PRKAG2: variants seen among roughly 807,000 people sequenced by gnomAD.
The protein encoded by PRKAG2 is 5'-AMP-activated protein kinase subunit gamma-2.
In PRKAG2, 26 loss-of-function variants were observed where a neutral mutation model predicts 69.6. The ratio of observed to expected loss-of-function variants is 0.37; its 90% confidence interval spans 0.27 to 0.52. The LOEUF is 0.52. Among genes scored for constraint, PRKAG2 ranks in the 20% least tolerant of loss-of-function variants. The pLI, the probability that PRKAG2 is intolerant of heterozygous loss-of-function variation, is 0.90. For missense variants in PRKAG2, 557 were observed against 740.0 expected (o/e 0.75, Z 2.87); for synonymous variants, 293 against 285.0 (o/e 1.03, Z -0.28).
intron 1 of PRKAG2, among the ~76,000 whole-genome samples, chr7:151,852,128 T>G (rs2079583705): frequency 6.6e-6 from 1 of 152,182 alleles, no homozygotes; most frequent in Non-Finnish European, 1.5e-5. Context: ...TACGCAAGCC[T>G]GTGCCCTGTG....
chr7:151,759,029 G>A (rs1016543291), intron 3 of PRKAG2, among the ~76,000 whole-genome samples: 1 of 152,078 alleles, frequency 6.6e-6, no homozygotes, highest in African/African-American at 2.4e-5. Context: ...CATTGCATCC[G>A]ATCGACATCC....
At chr7:151,778,822 C>T (rs1158157219) in intron 3 of PRKAG2, among the ~76,000 whole-genome samples, 1 of 152,206 alleles carries the variant, frequency 6.6e-6, no homozygotes, top group African/African-American at 2.4e-5. Context: ...ATTTTCCTTC[C>T]ACCCATCCAC....
intron 3 of PRKAG2, among the ~76,000 whole-genome samples, chr7:151,713,588 T>TA (rs1467668753): frequency 1.4e-5 from 2 of 144,132 alleles, no homozygotes; most frequent in East Asian, 3.9e-4. Context: ...CTTTTTTAAT[T>TA]TTTTTTTTTT....
At chr7:151,819,916 A>G (rs958931707) in intron 1 of PRKAG2, among the ~76,000 whole-genome samples, 9 of 152,254 alleles carry the variant, frequency 5.9e-5, no homozygotes, top group Admixed American at 5.9e-4. Context: ...CAAATAAGCC[A>G]GCAGGTCTAT....
intron 3 of PRKAG2, among the ~76,000 whole-genome samples, chr7:151,757,675 C>G (rs1443988169): frequency 6.6e-6 from 1 of 152,182 alleles, no homozygotes; most frequent in African/African-American, 2.4e-5. Context: ...CCTAAGAACC[C>G]CCCAAACCAG....
At chr7:151,748,862 C>T (rs2074474966) in intron 3 of PRKAG2, among the ~76,000 whole-genome samples, 1 of 152,270 alleles carries the variant, frequency 6.6e-6, no homozygotes, top group South Asian at 2.1e-4. Context: ...CCCCGCCGCG[C>T]CCGCAGCCAG....
intron 4 of PRKAG2, 52 bp downstream of exon 4, chr7:151,675,368 T>C: frequency 1.3e-6 from 2 of 1,546,472 alleles, no homozygotes; most frequent in Non-Finnish European, 1.8e-6. Flanking sequence ...ATAACTGCTC[T>C]GCCCTCCCTC....
At chr7:151,876,445 C>T (rs904778024) in intron 1 of PRKAG2, 62 bp downstream of exon 1, 25 of 1,510,834 alleles carry the variant, frequency 1.7e-5, no homozygotes, top group African/African-American at 1.6e-4. Context: ...TTAACCGCTT[C>T]GGCGCCGGGG....
intron 1 of PRKAG2, among the ~76,000 whole-genome samples, chr7:151,820,439 G>A (rs1257528316): frequency 3.2e-5 from 4 of 126,772 alleles, no homozygotes; most frequent in African/African-American, 6.3e-5. Flanking sequence ...TCGGAACACC[G>A]CTCCGTGGCC....
intron 1 of PRKAG2, among the ~76,000 whole-genome samples, chr7:151,859,133 C>T (rs527986523): frequency 6.6e-6 from 1 of 152,344 alleles, no homozygotes; most frequent in Non-Finnish European, 1.5e-5. Flanking sequence ...AAAAACAGGT[C>T]GCTGGGGCCT....
At chr7:151,631,435 T>C (rs1451870724) in intron 5 of PRKAG2, among the ~76,000 whole-genome samples, 1 of 152,022 alleles carries the variant, frequency 6.6e-6, no homozygotes, top group Non-Finnish European at 1.5e-5. Flanking sequence ...GCCTTTCAAA[T>C]GTTAACAGCC....
At chr7:151,866,499 T>C (rs1245844067) in intron 1 of PRKAG2, among the ~76,000 whole-genome samples, 1 of 152,172 alleles carries the variant, frequency 6.6e-6, no homozygotes, top group Non-Finnish European at 1.5e-5. Flanking sequence ...TTCAGCAATA[T>C]TAGCTCAATC....
intron 3 of PRKAG2, among the ~76,000 whole-genome samples, chr7:151,714,742 G>A (rs1440846473): frequency 6.6e-6 from 1 of 151,982 alleles, no homozygotes; most frequent in African/African-American, 2.4e-5. Flanking sequence ...CTGAGGTTGG[G>A]AGGTTGAGAC....
chr7:151,735,783 T>C lies in PRKAG2; in HGVS notation c.466+45369A>G, dbSNP rs1547470. On this transcript the variant is annotated intron_variant, in intron 3 of 15. Transcript: ENST00000287878. ...CCTCTAACCACCGCCTGATGTTATA[T>C]CCCAGTTGGAAGAGAGTGGCTGGAA... 0.62 allele frequency: 843,985 copies of C among 1,354,578 alleles called. 269,948 individuals are homozygous for C. The highest frequency in any genetic ancestry group is 0.91 in the East Asian group (36,158 of 39,616). 83.9% of individuals were successfully genotyped at this position (1,354,578 alleles called of 1,614,324 possible).
chr7:151,842,575 T>G (rs368428104), intron 1 of PRKAG2, among the ~76,000 whole-genome samples: 18 of 131,270 alleles, frequency 1.4e-4, no homozygotes, highest in African/African-American at 2.7e-4. Flanking sequence ...TGGTAGGTAG[T>G]GATGGTAGTG....
At chr7:151,588,278 G>A (rs1812169889) in intron 6 of PRKAG2, among the ~76,000 whole-genome samples, 1 of 151,536 alleles carries the variant, frequency 6.6e-6, no homozygotes. Context: ...CGTGTCATGG[G>A]AGGGACCCAG....
At chr7:151,664,836 G>T (rs777334482) in intron 4 of PRKAG2, among the ~76,000 whole-genome samples, 2 of 152,184 alleles carry the variant, frequency 1.3e-5, no homozygotes, top group Non-Finnish European at 2.9e-5. Context: ...GTGAAGGCAG[G>T]GTTGCCTCTC....
intron 1 of PRKAG2, among the ~76,000 whole-genome samples, chr7:151,832,063 A>G (rs759718866): frequency 6.6e-6 from 1 of 152,130 alleles, no homozygotes; most frequent in Admixed American, 6.5e-5. Flanking sequence ...AGGAGTCTGG[A>G]CTAGAAGGGT....
rs1424554463 is a variant in PRKAG2, at chr7:151,807,372, C to T, written c.115-20831G>A. The T allele has an allele frequency of 8.8e-6, 4 of 454,258 alleles. No individual in the cohort carries two copies. The highest frequency in any genetic ancestry group is 3.3e-4 in the Middle Eastern group (1 of 3,060). 28.1% of individuals were successfully genotyped at this position (454,258 alleles called of 1,614,324 possible). ...ATACTCCATGTGCTTTTTCATGCAG[C>T]GGGAGTGGAATTTTCAGGAAGCAGC... On this transcript the variant is annotated intron_variant, in intron 1 of 15. Transcript: ENST00000287878. The surrounding 1 kb of genome is among the most constrained non-coding windows in gnomAD (Gnocchi z 4.4).
Sources: allele counts gnomAD v4.1 joint callset (sites outside exome capture counted in the v4.1 genomes callset), GRCh38; gene constraint gnomAD v4.1.1; non-coding constraint Gnocchi (gnomAD v3.1); transcripts MANE v1.5; gene names NCBI Gene and HGNC (gene_info 2026-07-23, HGNC 2026-07-21).